The following CIAO3 variants were observed in gnomAD, a reference collection of about 807,000 sequenced individuals.
CIAO3 encodes LET1 like/JFP15.
CIAO3 carries 45 observed loss-of-function variants against 51.5 expected under a neutral mutation model. The observed-to-expected ratio is 0.87, with a 90% CI of 0.69 to 1.12. The LOEUF is 1.12. Among genes scored for constraint, CIAO3 ranks in the 50% most tolerant of loss-of-function variants. CIAO3 has a pLI of 0.00. For synonymous variants in CIAO3, 314 were observed against 269.3 expected, an observed-to-expected ratio of 1.17 and a Z score of -1.63; for missense variants, 668 against 632.5, an observed-to-expected ratio of 1.06 and a Z score of -0.60.
At chr16:732,501 A>G in intron 7 of CIAO3, 128 bp from the exon 8 acceptor site, 1 of 1,080,962 alleles carries the variant, frequency 9.3e-7, no homozygotes, top group Non-Finnish European at 1.4e-6. Flanking sequence ...TGTCCACCCT[A>G]GCCCGTGGTG....
Position 740,921 on chromosome 16 carries a change from T to C in CIAO3, c.65A>G (p.Gln22Arg). The change falls in exon 1 of 11, where the codon CAG (glutamine) becomes CGG (arginine). Residue 22 changes from glutamine to arginine, a missense_variant and splice_region_variant. Coordinates refer to ENST00000251588, the MANE Select transcript of CIAO3 (RefSeq NM_022493.3). The part of the protein sequence containing the change: ...TDLDDFIGPS[Q>R]ECIKPVKVEK... ...CCCCGCCCGCCCAGGCCGGCCCACCTGAGACGGCCCGATGAAGTCATCCAG... is the reference window on the plus strand; with the variant it reads ...CCCCGCCCGCCCAGGCCGGCCCACCCGAGACGGCCCGATGAAGTCATCCAG... 6.5e-7 allele frequency: 1 copy of C among 1,528,834 alleles called. No individual in the cohort carries two copies. The highest frequency in any genetic ancestry group is 8.8e-7 in the Non-Finnish European group (1 of 1,142,644). 94.7% of individuals were successfully genotyped at this position (1,528,834 alleles called of 1,614,324 possible). A position where few individuals can be genotyped will look rare whatever the true frequency, so the allele number is the denominator to read the frequency against.
At chr16:736,421 T>C (rs1250880517) in intron 3 of CIAO3, 23 bp from the exon 4 acceptor site, 6 of 1,611,930 alleles carry the variant, frequency 3.7e-6, no homozygotes, top group South Asian at 1.1e-5. Context: ...GGGAAGACGC[T>C]GCTTACTCTG....
rs1596674761 is a variant in CIAO3 at position 737,268 on chromosome 16, C to T, written c.224G>A (p.Ser75Asn). The T allele has an allele frequency of 1.2e-6, 2 of 1,613,426 alleles. No homozygotes were observed. Among genetic ancestry groups the T allele is most frequent in the African/African-American group, 2.7e-5 (2 of 74,944 alleles). Residue 75 changes from serine (S) to asparagine (N), a missense_variant, in exon 3 of 11, where the codon AGC becomes AAC. Transcript: ENST00000251588. This position sits in a 1 kb window ranked among gnomAD's most constrained non-coding sequence, Gnocchi z 5.3. ...KVSLNDCLAC[S>N]GCITSAETVL... The stretch of plus-strand genomic sequence containing the variant: ...GGTCTCTGCGGAGGTGATGCAGCCG[C>T]TGCACGCCAGGCAGTCGTTTAGCGA...
At chr16:733,490 T>C (rs2041306352) in intron 6 of CIAO3, 63 bp from the exon 7 acceptor site, 2 of 1,604,838 alleles carry the variant, frequency 1.2e-6, no homozygotes, top group Non-Finnish European at 1.7e-6. Context: ...AGACGGGACC[T>C]GGAACTCAGC....
rs561781094 is a variant in CIAO3 at position 732,246 on chromosome 16, C to T, written c.896+55G>A. The T allele has an allele frequency of 1.7e-4, 258 of 1,538,978 alleles. 1 individual carries two copies. In the East Asian group the frequency reaches 2.0e-3, roughly 12 times the overall value. On this transcript the variant is annotated intron_variant, in intron 8 of 10. Transcript: ENST00000251588. The stretch of plus-strand genomic sequence containing the variant: ...AAGCCCAGAGCAGGGGGATGCTATC[C>T]TCAGAGGCAGCGTTAGAAGCTAAAA...
rs150488426 is a variant in CIAO3, at chr16:738,642, G to A, written c.162+1001C>T. ...GCTGGGATTACAGGCCTGAGCCACC[G>A]CGCCAGGCCCAGTTTCTTTATTTTT... On this transcript the variant is annotated intron_variant, in intron 2 of 10. Coordinates refer to ENST00000251588, the MANE Select transcript of CIAO3 (RefSeq NM_022493.3). 5.3e-5 allele frequency among the ~76,000 whole-genome samples: 8 copies of A among 150,698 alleles called. No homozygotes were observed. In the East Asian group the frequency reaches 1.2e-3, roughly 22 times the overall value.
chr16:736,518 CTT>C (rs57355119), intron 3 of CIAO3, 120 bp from the exon 4 acceptor site: 18,402 of 945,092 alleles, frequency 0.019, no homozygotes, highest in East Asian at 0.022. Context: ...CATCAAGAGT[CTT>C]TTTTTTTTTT....
At chr16:734,401 C>A in intron 5 of CIAO3, 54 bp from the exon 6 acceptor site, 2 of 1,314,628 alleles carry the variant, frequency 1.5e-6, no homozygotes, top group South Asian at 1.3e-5. Context: ...GGCCCCCGCA[C>A]CCACAGGCAG....
chr16:738,685 T>C (rs1174816402), intron 2 of CIAO3, among the ~76,000 whole-genome samples: 1 of 150,636 alleles, frequency 6.6e-6, no homozygotes, highest in Non-Finnish European at 1.5e-5. Context: ...GGAGTCTCTG[T>C]CTCTCAGGCT....
rs200994772 is a variant in CIAO3, at chr16:732,407, C to T, written c.824-34G>A. On this transcript the variant is annotated intron_variant, in intron 7 of 10. Coordinates refer to ENST00000251588, the MANE Select transcript of CIAO3 (RefSeq NM_022493.3). ...AAGCCACAGCGCAGACACTCTTTAG[C>T]GGAGATCCCAGCAACAAAGTCAGAG... is the stretch of plus-strand genomic sequence containing the variant. The T allele has an allele frequency of 1.2e-4, 200 of 1,609,790 alleles. 2 individuals are homozygous for T. Among genetic ancestry groups the T allele is most frequent in the Middle Eastern group, 9.9e-4 (6 of 6,054 alleles).
At chr16:739,539 C>A (rs909083779) in intron 2 of CIAO3, 104 bp downstream of exon 2, 6 of 1,150,828 alleles carry the variant, frequency 5.2e-6, no homozygotes, top group Non-Finnish European at 7.8e-6. Context: ...ACTGGTGAGA[C>A]CTGGAGTGTC....
At chr16:740,889 G>A (rs1426601951) in intron 1 of CIAO3, 31 bp downstream of exon 1, 9 of 1,524,702 alleles carry the variant, frequency 5.9e-6, no homozygotes, top group Non-Finnish European at 7.9e-6. Context: ...ACCGAGCGCA[G>A]CCTCGACCCC....
At chr16:731,394 A>G in intron 9 of CIAO3, 171 bp downstream of exon 9, 2 of 951,704 alleles carry the variant, frequency 2.1e-6, no homozygotes, top group Non-Finnish European at 3.0e-6. Context: ...GTGCCTTCAC[A>G]CCCTGAGCCC....
At chr16:730,778 T>G in intron 10 of CIAO3, 65 bp downstream of exon 10, 2 of 1,591,974 alleles carry the variant, frequency 1.3e-6, no homozygotes, top group East Asian at 2.2e-5. Flanking sequence ...CCCAGCCTGG[T>G]GGATGGTGGC....
At chr16:731,439 C>A in intron 9 of CIAO3, 126 bp downstream of exon 9, 3 of 1,355,394 alleles carry the variant, frequency 2.2e-6, no homozygotes, top group Non-Finnish European at 2.9e-6. Context: ...AGGGTCCCCT[C>A]CAAACCCTGC....
rs1197695648 is a variant in CIAO3, at chr16:734,380, G to A, written c.575-33C>T. 9 of 1,520,964 alleles carry A rather than the reference G, an allele frequency of 5.9e-6. No individual in the cohort carries two copies. The Admixed American group carries it at 1.3e-4, about 21-fold the overall frequency. 94.2% of individuals were successfully genotyped at this position (1,520,964 alleles called of 1,614,324 possible). A position where few individuals can be genotyped will look rare whatever the true frequency, so the allele number is the denominator to read the frequency against. The stretch of plus-strand genomic sequence containing the variant: ...GACAGGGGGCACACGGGGCTGGCGG[G>A]GGCGCACGGCGGCCCCCGCACCCAC... On this transcript the variant is annotated intron_variant, in intron 5 of 10. Transcript: ENST00000251588.
intron 1 of CIAO3, 84 bp from the exon 2 acceptor site, chr16:739,822 G>T: frequency 7.0e-7 from 1 of 1,418,644 alleles, no homozygotes; most frequent in Non-Finnish European, 9.8e-7. Context: ...TGGCTGCCCA[G>T]CCGCACAGCC....
In CIAO3 at chr16:737,621, T is replaced by C; in HGVS notation, c.163-292A>G. On this transcript the variant is annotated intron_variant, in intron 2 of 10. Coordinates refer to ENST00000251588, the MANE Select transcript of CIAO3 (RefSeq NM_022493.3). The surrounding 1 kb of genome is among the most constrained non-coding windows in gnomAD (Gnocchi z 5.3). ...AAGCAGCAGCCACCCCACTCACCCA[T>C]GGGGCCCTGGACGGGGTGCTGGCCC... is the stretch of plus-strand genomic sequence containing the variant. 1 of 1,384,912 alleles carries C rather than the reference T, an allele frequency of 7.2e-7. No homozygotes were observed. The highest frequency in any genetic ancestry group is 9.5e-7 in the Non-Finnish European group (1 of 1,051,670). 85.8% of individuals were successfully genotyped at this position (1,384,912 alleles called of 1,614,324 possible).
At chr16:739,577 A>G (rs1190630536) in intron 2 of CIAO3, 66 bp downstream of exon 2, 3 of 1,477,074 alleles carry the variant, frequency 2.0e-6, no homozygotes, top group Non-Finnish European at 2.8e-6. Flanking sequence ...TGACGGGAGG[A>G]AGCAGAGAAA....
Sources: gnomAD v4.1 joint callset for allele counts (sites outside exome capture counted in the v4.1 genomes callset) on GRCh38, gnomAD v4.1.1 for gene constraint, Gnocchi (gnomAD v3.1) non-coding constraint, MANE v1.5 for transcripts, NCBI Gene and HGNC (gene_info 2026-07-23, HGNC 2026-07-21) for gene names.